The following IQCJ variants were observed in gnomAD, a reference collection of about 807,000 sequenced individuals.
IQCJ encodes the protein IQ motif containing J.
Under a neutral mutation model 11.0 loss-of-function variants are expected in IQCJ, and 9 were observed. The observed-to-expected ratio is 0.82, with a 90% confidence interval of 0.49 to 1.43. The LOEUF (loss-of-function observed/expected upper bound fraction) is 1.43, where lower values mean the gene tolerates loss of function less well. IQCJ is among the 40% of genes most tolerant of loss of function. IQCJ has a pLI of 0.00. For synonymous variants in IQCJ, 55 were observed against 51.3 expected, an observed-to-expected ratio of 1.07 and a Z score of -0.31; for missense variants, 146 against 133.2, an observed-to-expected ratio of 1.10 and a Z score of -0.47.
chr3:159,118,015 TA>T (rs1719129388), intron 1 of IQCJ, among the ~76,000 whole-genome samples: 1 of 152,108 alleles, frequency 6.6e-6, no homozygotes. Context: ...AATAATTCCA[TA>T]AAAATGGTAA....
chr3:159,088,358 A>C (rs1716958770), intron 1 of IQCJ, among the ~76,000 whole-genome samples: 3 of 152,156 alleles, frequency 2.0e-5, no homozygotes, highest in Admixed American at 1.3e-4. Context: ...CAATTTTGGA[A>C]TATGTGTGGT....
At chr3:159,259,872 A>AAT (rs1217189785) in intron 3 of IQCJ, among the ~76,000 whole-genome samples, 1 of 152,154 alleles carries the variant, frequency 6.6e-6, no homozygotes, top group African/African-American at 2.4e-5. Flanking sequence ...AGTAATGAGA[A>AAT]ATATATATAT....
chr3:159,076,699 A>C (rs1439958175), intron 1 of IQCJ, among the ~76,000 whole-genome samples: 1 of 152,102 alleles, frequency 6.6e-6, no homozygotes, highest in Admixed American at 6.6e-5. Context: ...TGCATGTGTC[A>C]GTCCTGGCAT....
chr3:159,172,804 TG>T (rs1722560660), intron 1 of IQCJ, among the ~76,000 whole-genome samples: 1 of 152,032 alleles, frequency 6.6e-6, no homozygotes, highest in Non-Finnish European at 1.5e-5. Flanking sequence ...GTTGATTTTT[TG>T]GTTTTATGAT....
At chr3:159,128,065 C>T (rs1453066651) in intron 1 of IQCJ, among the ~76,000 whole-genome samples, 1 of 152,234 alleles carries the variant, frequency 6.6e-6, no homozygotes, top group Non-Finnish European at 1.5e-5. Flanking sequence ...GAAATCACCA[C>T]TTCCTAGTTA....
intron 1 of IQCJ, among the ~76,000 whole-genome samples, chr3:159,236,275 A>C (rs1726582282): frequency 6.6e-6 from 1 of 151,816 alleles, no homozygotes; most frequent in Admixed American, 6.6e-5. Flanking sequence ...TTTGAAAAAA[A>C]AAAAAAAAAA....
At chr3:159,182,647 C>T (rs1272405760) in intron 1 of IQCJ, among the ~76,000 whole-genome samples, 7 of 151,796 alleles carry the variant, frequency 4.6e-5, no homozygotes, top group African/African-American at 9.7e-5. Context: ...GCAGGGGGTA[C>T]GTGACTGGGG....
At chr3:159,144,433 G>A (rs1048179706) in intron 1 of IQCJ, among the ~76,000 whole-genome samples, 2 of 152,136 alleles carry the variant, frequency 1.3e-5, no homozygotes, top group African/African-American at 4.8e-5. Flanking sequence ...CCAACCCTAG[G>A]CTGAACAAAC....
chr3:159,139,284 A>T (rs1720468100), intron 1 of IQCJ, among the ~76,000 whole-genome samples: 1 of 152,104 alleles, frequency 6.6e-6, no homozygotes, highest in South Asian at 2.1e-4. Flanking sequence ...AAAGAAATGA[A>T]TTGGTTATTT....
intron 1 of IQCJ, among the ~76,000 whole-genome samples, chr3:159,226,700 G>A (rs149413389): frequency 2.2e-4 from 34 of 152,292 alleles, no homozygotes; most frequent in African/African-American, 7.9e-4. Context: ...GGAAAGTACA[G>A]AGAAATGTAA....
chr3:159,103,424 A>G (rs975527119), intron 1 of IQCJ, among the ~76,000 whole-genome samples: 1 of 152,166 alleles, frequency 6.6e-6, no homozygotes, highest in African/African-American at 2.4e-5. Flanking sequence ...TCCACTCTTG[A>G]GGTACTTGGT....
chr3:159,262,630 G>C lies in IQCJ; in HGVS notation c.238G>C (p.Glu80Gln), dbSNP rs538886885. 6.2e-7 allele frequency: 1 copy of C among 1,614,024 alleles called. No individual in the cohort carries two copies. Among genetic ancestry groups the C allele is most frequent in the East Asian group, 2.2e-5 (1 of 44,876 alleles). The change falls in exon 4 of 4, where the codon GAG (glutamate) becomes CAG (glutamine). Residue 80 changes from glutamate (E) to glutamine (Q), a missense_variant. Transcript: ENST00000397832. ...CCCGTCCCCACCCTCTGTCTCCTCAGAGAAGCTGAGCAGCTCTGTCAGCAT... is the reference window on the plus strand; with the variant it reads ...CCCGTCCCCACCCTCTGTCTCCTCACAGAAGCTGAGCAGCTCTGTCAGCAT... ...RSPSPPSVSSEKLSSSVSMNT... is the reference protein window; with the variant it reads ...RSPSPPSVSSQKLSSSVSMNT...
chr3:159,194,647 A>G (rs1723880026), intron 1 of IQCJ, among the ~76,000 whole-genome samples: 1 of 152,132 alleles, frequency 6.6e-6, no homozygotes, highest in East Asian at 1.9e-4. Context: ...TGGGTTTTCT[A>G]GCCTTGCATA....
chr3:159,217,857 C>G (rs550101585), intron 1 of IQCJ, among the ~76,000 whole-genome samples: 4 of 152,092 alleles, frequency 2.6e-5, no homozygotes, highest in Admixed American at 1.3e-4. Context: ...CCTATGGGCT[C>G]GCAGAGCCTG....
intron 1 of IQCJ, among the ~76,000 whole-genome samples, chr3:159,195,667 C>T (rs1420861892): frequency 6.6e-6 from 1 of 152,244 alleles, no homozygotes; most frequent in East Asian, 1.9e-4. Flanking sequence ...ATTAAGTACT[C>T]AGCCTGATTC....
intron 1 of IQCJ, among the ~76,000 whole-genome samples, chr3:159,084,298 C>CTTT (rs765269328): frequency 7.2e-4 from 108 of 151,032 alleles, no homozygotes; most frequent in Non-Finnish European, 1.3e-3. Context: ...AAGATAAATT[C>CTTT]GGTTTGGAAA....
chr3:159,081,184 G>A (rs1716282619), intron 1 of IQCJ, among the ~76,000 whole-genome samples: 1 of 152,082 alleles, frequency 6.6e-6, no homozygotes, highest in Non-Finnish European at 1.5e-5. Context: ...GACTTCAGAA[G>A]CTCTGAGTGC....
chr3:159,210,264 A>C (rs570044853), intron 1 of IQCJ, among the ~76,000 whole-genome samples: 1 of 152,362 alleles, frequency 6.6e-6, no homozygotes, highest in South Asian at 2.1e-4. Context: ...ATTTGAAACA[A>C]TGTCAGTAAT....
intron 3 of IQCJ, among the ~76,000 whole-genome samples, chr3:159,259,057 G>A (rs1728059670): frequency 6.6e-6 from 1 of 152,104 alleles, no homozygotes; most frequent in South Asian, 2.1e-4. Context: ...AAGCACCCTA[G>A]CTCTCTGGGA....
Sources: gnomAD v4.1 joint callset for allele counts (sites outside exome capture counted in the v4.1 genomes callset) on GRCh38, gnomAD v4.1.1 for gene constraint, MANE v1.5 for transcripts, NCBI Gene and HGNC (gene_info 2026-07-23, HGNC 2026-07-21) for gene names.